The following APIP variants were observed in gnomAD, a reference collection of about 807,000 sequenced individuals.
The protein encoded by APIP is methylthioribulose-1-phosphate dehydratase.
APIP carries 32 observed loss-of-function variants against 32.0 expected under a neutral mutation model. The ratio of observed to expected loss-of-function variants is 1.00; its 90% confidence interval spans 0.76 to 1.34. The LOEUF (loss-of-function observed/expected upper bound fraction) is 1.34, where lower values mean the gene tolerates loss of function less well. APIP is among the 40% of genes most tolerant of loss of function. APIP has a pLI of 0.00. For missense variants in APIP, 247 were observed against 298.6 expected, an observed-to-expected ratio of 0.83 and a Z score of 1.27; for synonymous variants, 92 against 94.8, an observed-to-expected ratio of 0.97 and a Z score of 0.17.
At chr11:34,889,294 TA>T (rs1211878224) in intron 3 of APIP, among the ~76,000 whole-genome samples, 1 of 152,112 alleles carries the variant, frequency 6.6e-6, no homozygotes, top group African/African-American at 2.4e-5. Context: ...AAAGTCTATA[TA>T]AAGAAATCGA....
chr11:34,893,933 G>A (rs574565331), intron 2 of APIP, among the ~76,000 whole-genome samples: 2 of 152,188 alleles, frequency 1.3e-5, no homozygotes, highest in East Asian at 3.9e-4. Context: ...ATCCAATTTT[G>A]TTAAAGAAAG....
chr11:34,901,944 G>A (rs1325639087), intron 1 of APIP, among the ~76,000 whole-genome samples: 1 of 152,038 alleles, frequency 6.6e-6, no homozygotes, highest in Non-Finnish European at 1.5e-5. Flanking sequence ...AAAGATGCAG[G>A]GCCTCCTCAA....
chr11:34,888,724 C>CTA (rs779793182), intron 4 of APIP, 28 bp downstream of exon 4: 48 of 1,452,782 alleles, frequency 3.3e-5, no homozygotes, highest in Middle Eastern at 4.6e-4. Flanking sequence ...TGCAAATATT[C>CTA]TTTATGTTGA....
chr11:34,891,484 TA>T (rs1243357862), intron 2 of APIP, among the ~76,000 whole-genome samples: 1 of 152,168 alleles, frequency 6.6e-6, no homozygotes, highest in Non-Finnish European at 1.5e-5. Flanking sequence ...TAGTTTCTGC[TA>T]GTAAGGCACA....
At chr11:34,888,197 A>T in intron 5 of APIP, 96 bp downstream of exon 5, 2 of 1,167,366 alleles carry the variant, frequency 1.7e-6, no homozygotes, top group Non-Finnish European at 1.2e-6. Context: ...AGATCCCACG[A>T]CATCTCATTA....
intron 1 of APIP, among the ~76,000 whole-genome samples, chr11:34,906,951 A>G (rs1156634849): frequency 6.6e-6 from 1 of 152,212 alleles, no homozygotes; most frequent in Non-Finnish European, 1.5e-5. Flanking sequence ...GAAGCAATCA[A>G]TCCAAATGGT....
At chr11:34,887,038 T>C (rs1351779772) in intron 5 of APIP, among the ~76,000 whole-genome samples, 1 of 152,176 alleles carries the variant, frequency 6.6e-6, no homozygotes, top group Non-Finnish European at 1.5e-5. Context: ...CTCATCCAGC[T>C]TTCATTGCCT....
intron 2 of APIP, among the ~76,000 whole-genome samples, chr11:34,893,071 C>T (rs145001086): frequency 1.3e-5 from 2 of 152,216 alleles, no homozygotes; most frequent in East Asian, 1.9e-4. Flanking sequence ...AAGCATTTCA[C>T]ATATATGATG....
chr11:34,895,092 A>G lies in APIP; in HGVS notation c.76T>C (p.Tyr26His). Residue 26 changes from tyrosine (Y) to histidine (H), a missense_variant, in exon 2 of 7, where the codon TAC becomes CAC. Tyr to His is a moderately conservative substitution (Grantham distance 83, BLOSUM62 2). Coordinates refer to ENST00000395787, the MANE Select transcript of APIP (RefSeq NM_015957.4). ...CGAQDKEHPR[Y>H]LIPELCKQFY... ...TGTTTGCAAAGTTCTGGGATCAGGT[A>G]TCTTGGATGCTCCTTGTCCTTAAAA... The G allele has an allele frequency of 6.2e-7, 1 of 1,613,958 alleles. No homozygotes were observed. Among genetic ancestry groups the G allele is most frequent in the Non-Finnish European group, 8.5e-7 (1 of 1,179,842 alleles).
In APIP at chr11:34,895,074, A is replaced by G; in HGVS notation, c.94T>C (p.Cys32Arg). 6.2e-7 allele frequency: 1 copy of G among 1,614,158 alleles called. No homozygotes were observed. Among genetic ancestry groups the G allele is most frequent in the South Asian group, 1.1e-5 (1 of 91,078 alleles). ...EHPRYLIPEL[C>R]KQFYHLGWVT... is the part of the protein sequence containing the mutation. ...CAGCCTAAATGGTAAAACTGTTTGC[A>G]AAGTTCTGGGATCAGGTATCTTGGA... Residue 32 changes from cysteine to arginine, a missense_variant, in exon 2 of 7, where the codon TGC becomes CGC. Coordinates refer to ENST00000395787, the MANE Select transcript of APIP (RefSeq NM_015957.4).
At chr11:34,912,272 C>T (rs1853565670) in intron 1 of APIP, among the ~76,000 whole-genome samples, 1 of 152,214 alleles carries the variant, frequency 6.6e-6, no homozygotes, top group Non-Finnish European at 1.5e-5. Context: ...ATTGAATGGG[C>T]TACAGAGTGT....
intron 2 of APIP, among the ~76,000 whole-genome samples, chr11:34,891,508 T>C (rs192686411): frequency 4.6e-5 from 7 of 152,256 alleles, no homozygotes; most frequent in East Asian, 1.9e-4. Flanking sequence ...CACAGGGATA[T>C]TGAACAAATA....
intron 1 of APIP, among the ~76,000 whole-genome samples, chr11:34,911,156 T>C (rs968582568): frequency 2.0e-5 from 3 of 151,796 alleles, no homozygotes; most frequent in African/African-American, 7.3e-5. Flanking sequence ...AGGGTAGGGG[T>C]TGGGCAGAGA....
intron 1 of APIP, among the ~76,000 whole-genome samples, chr11:34,913,343 C>T (rs1056621890): frequency 2.6e-5 from 4 of 152,202 alleles, no homozygotes; most frequent in Non-Finnish European, 4.4e-5. Flanking sequence ...AATGAAGCCG[C>T]GGACCCTTGC....
chr11:34,915,955 G>A (rs927913195), intron 1 of APIP: 5 of 559,624 alleles, frequency 8.9e-6, no homozygotes, highest in Non-Finnish European at 1.6e-5. Context: ...TCACCTAAAC[G>A]CTCTCCTCTC....
intron 1 of APIP, 106 bp from the exon 2 acceptor site, chr11:34,895,216 T>C: frequency 1.0e-6 from 1 of 961,620 alleles, no homozygotes; most frequent in Non-Finnish European, 1.6e-6. Context: ...TAAGAAAACA[T>C]ACTATAGAAA....
In APIP at chr11:34,895,051, G is replaced by A; in HGVS notation, c.117C>T (p.Gly39=). Residue 39 remains glycine (G), a synonymous_variant, in exon 2 of 7, where the codon GGC becomes GGT. Coordinates refer to ENST00000395787, the MANE Select transcript of APIP (RefSeq NM_015957.4). ...PELCKQFYHL[G]WVTGTGGGIS... is the part of the protein sequence containing the mutation. ...TTCCTCCTCCAGTCCCAGTGACCCA[G>A]CCTAAATGGTAAAACTGTTTGCAAA... The A allele has an allele frequency of 6.2e-7, 1 of 1,614,042 alleles. No homozygotes were observed. The highest frequency in any genetic ancestry group is 8.5e-7 in the Non-Finnish European group (1 of 1,179,988).
chr11:34,896,885 G>T, intron 1 of APIP: 1 of 1,140,294 alleles, frequency 8.8e-7, no homozygotes, highest in Non-Finnish European at 1.2e-6. Context: ...CCCAGGGCCT[G>T]ATCAATTCCA....
intron 1 of APIP, among the ~76,000 whole-genome samples, chr11:34,908,275 T>C (rs142522146): frequency 1.3e-5 from 2 of 152,212 alleles, no homozygotes; most frequent in East Asian, 3.9e-4. Flanking sequence ...CAACTGAGAG[T>C]TGTAAAATAG....
Sources: allele counts gnomAD v4.1 joint callset (sites outside exome capture counted in the v4.1 genomes callset), GRCh38; gene constraint gnomAD v4.1.1; transcripts MANE v1.5; gene names NCBI Gene and HGNC (gene_info 2026-07-23, HGNC 2026-07-21).